DOCK3: variants seen among roughly 807,000 people sequenced by gnomAD.
DOCK3 encodes dedicator of cytokinesis protein 3.
Under a neutral mutation model 265.6 loss-of-function variants are expected in DOCK3, and 60 were observed. That is an observed-to-expected ratio of 0.23 (90% CI 0.18 to 0.28). DOCK3 has a LOEUF of 0.28. Among genes scored for constraint, DOCK3 ranks in the 10% least tolerant of loss-of-function variants. The pLI is 1.00. For missense variants in DOCK3, 1,981 were observed against 2,594.3 expected (o/e 0.76, Z 5.14); for synonymous variants, 881 against 938.0 (o/e 0.94, Z 1.11).
Position 51,270,797 on chromosome 3 carries a change from C to A in DOCK3, c.2356-18C>A. On this transcript the variant is annotated intron_variant, in intron 23 of 52. Transcript: ENST00000266037. ...CACCCTAACTCTGTGCTAACCACAG[C>A]TTCATTTGCTTCTGCAGGCTGCACT... 1 of 1,607,502 alleles carries A rather than the reference C, an allele frequency of 6.2e-7. No individual in the cohort carries two copies. Among genetic ancestry groups the A allele is most frequent in the Non-Finnish European group, 8.5e-7 (1 of 1,176,640 alleles).
At chr3:51,078,754 T>A (rs1171740890) in intron 7 of DOCK3, among the ~76,000 whole-genome samples, 1 of 152,076 alleles carries the variant, frequency 6.6e-6, no homozygotes, top group East Asian at 1.9e-4. Context: ...AAAACAACAA[T>A]AATAACAATG....
chr3:51,039,466 A>T (rs1162964819), intron 5 of DOCK3, among the ~76,000 whole-genome samples: 1 of 152,078 alleles, frequency 6.6e-6, no homozygotes, highest in Non-Finnish European at 1.5e-5. Context: ...ATTTAATTTT[A>T]CCAAATCACT....
chr3:51,103,187 ACC>A (rs1469032730), intron 9 of DOCK3, among the ~76,000 whole-genome samples: 1 of 152,300 alleles, frequency 6.6e-6, no homozygotes, highest in East Asian at 1.9e-4. Context: ...ATATTTCAGC[ACC>A]CCAAGACATA....
intron 33 of DOCK3, among the ~76,000 whole-genome samples, chr3:51,330,930 T>A (rs543618596): frequency 1.3e-5 from 2 of 152,370 alleles, no homozygotes; most frequent in African/African-American, 4.8e-5. Flanking sequence ...TTTGAGATGT[T>A]CTTTGTTTTA....
intron 3 of DOCK3, among the ~76,000 whole-genome samples, chr3:50,860,257 C>G (rs899842426): frequency 1.3e-5 from 2 of 152,268 alleles, no homozygotes; most frequent in South Asian, 2.1e-4. Context: ...TCTTTTCTTC[C>G]TCTTTTCTGA....
chr3:51,233,581 C>G (rs1032711424), intron 19 of DOCK3, among the ~76,000 whole-genome samples: 2 of 152,014 alleles, frequency 1.3e-5, no homozygotes, highest in Non-Finnish European at 2.9e-5. Context: ...GTTAGTCAGG[C>G]TGGTCTTGAA....
intron 5 of DOCK3, among the ~76,000 whole-genome samples, chr3:50,992,681 G>A (rs1057508258): frequency 2.0e-5 from 3 of 152,190 alleles, no homozygotes; most frequent in African/African-American, 7.2e-5. Context: ...TTAGATAAAT[G>A]TAATTGGGAA....
chr3:50,820,250 A>G (rs4464450), intron 2 of DOCK3, among the ~76,000 whole-genome samples: 151,813 of 152,310 alleles, frequency 1, 75,665 homozygotes, highest in Middle Eastern at 1. Context: ...TCCTTCCTGC[A>G]TGAAGCCAAG....
chr3:50,810,158 T>A (rs1253880393), intron 2 of DOCK3, among the ~76,000 whole-genome samples: 1 of 152,040 alleles, frequency 6.6e-6, no homozygotes, highest in East Asian at 1.9e-4. Flanking sequence ...TAAGGGTGTG[T>A]GTGTTGATGA....
At chr3:50,796,266 C>T (rs531493071) in intron 2 of DOCK3, among the ~76,000 whole-genome samples, 47 of 151,848 alleles carry the variant, frequency 3.1e-4, no homozygotes, top group Non-Finnish European at 5.1e-4. Flanking sequence ...CTCCTGACCT[C>T]GTGATCCGCC....
chr3:51,129,748 A>AT (rs2084431309), intron 9 of DOCK3, among the ~76,000 whole-genome samples: 1 of 152,180 alleles, frequency 6.6e-6, no homozygotes, highest in Non-Finnish European at 1.5e-5. Flanking sequence ...CTCCGCTACG[A>AT]TTCACCTAAG....
At position 51,375,839 on chromosome 3, in the gene DOCK3, T is replaced by C; in HGVS notation, c.5500+4T>C. On this transcript the variant is annotated splice_donor_region_variant and intron_variant, in intron 51 of 52. Transcript: ENST00000266037. ...AATCTGTCTGTGGCTGAAAAAGGTA[T>C]TGTTGCCCAGGTGGCCTTCCCCCCA... is the stretch of plus-strand genomic sequence containing the variant. 1 of 1,613,988 alleles carries C rather than the reference T, an allele frequency of 6.2e-7. No homozygotes were observed. The highest frequency in any genetic ancestry group is 8.5e-7 in the Non-Finnish European group (1 of 1,179,870).
chr3:51,330,638 A>G (rs2084455977), intron 33 of DOCK3, among the ~76,000 whole-genome samples: 1 of 152,032 alleles, frequency 6.6e-6, no homozygotes, highest in Non-Finnish European at 1.5e-5. Flanking sequence ...CAATCAGCTC[A>G]CATTGCAGTG....
intron 10 of DOCK3, among the ~76,000 whole-genome samples, chr3:51,154,994 G>A (rs2085777264): frequency 6.6e-6 from 1 of 151,630 alleles, no homozygotes; most frequent in Non-Finnish European, 1.5e-5. Flanking sequence ...TTTTATTTTT[G>A]CAGTCAGGGT....
chr3:50,800,611 A>G (rs76160515), intron 2 of DOCK3, among the ~76,000 whole-genome samples: 1 of 150,698 alleles, frequency 6.6e-6, no homozygotes, highest in Non-Finnish European at 1.5e-5. Flanking sequence ...ATTTATTTTC[A>G]AAAAAAACAA....
intron 9 of DOCK3, among the ~76,000 whole-genome samples, chr3:51,124,680 A>C (rs2084185373): frequency 6.6e-6 from 1 of 152,176 alleles, no homozygotes; most frequent in Admixed American, 6.6e-5. Flanking sequence ...CAAATGCTTT[A>C]TTTCTTTTTG....
intron 23 of DOCK3, among the ~76,000 whole-genome samples, chr3:51,269,096 T>TCA (rs751345500): frequency 7.0e-6 from 1 of 142,268 alleles, no homozygotes; most frequent in Non-Finnish European, 1.5e-5. Context: ...GTTTCACAAC[T>TCA]CTCTCTCTCT....
chr3:51,055,483 T>G (rs2081162187), intron 5 of DOCK3, among the ~76,000 whole-genome samples: 1 of 152,200 alleles, frequency 6.6e-6, no homozygotes, highest in Admixed American at 6.5e-5. Flanking sequence ...GTGGAGTGGA[T>G]AGTTGTGCAT....
At chr3:50,915,551 G>A (rs1391474348) in intron 4 of DOCK3, among the ~76,000 whole-genome samples, 2 of 152,056 alleles carry the variant, frequency 1.3e-5, no homozygotes, top group Non-Finnish European at 2.9e-5. Flanking sequence ...GTTTCTCTGG[G>A]ATATGGGGTA....
Sources: gnomAD v4.1 joint callset for allele counts (sites outside exome capture counted in the v4.1 genomes callset) on GRCh38, gnomAD v4.1.1 for gene constraint, MANE v1.5 for transcripts, NCBI Gene and HGNC (gene_info 2026-07-23, HGNC 2026-07-21) for gene names.